The following ZC3H12B variants were observed in gnomAD, a reference collection of about 807,000 sequenced individuals.
ZC3H12B encodes zinc finger CCCH-type containing 12B, also known as probable ribonuclease ZC3H12B.
ZC3H12B carries 7 observed loss-of-function variants against 43.9 expected under a neutral mutation model. That is an observed-to-expected ratio of 0.16 (90% CI 0.09 to 0.30). The LOEUF (loss-of-function observed/expected upper bound fraction) is 0.30, where lower values mean the gene tolerates loss of function less well. Ranked by LOEUF, ZC3H12B falls within the 10% of genes least tolerant of loss-of-function variation. ZC3H12B has a pLI of 1.00. For synonymous variants in ZC3H12B, 222 were observed against 241.7 expected, an observed-to-expected ratio of 0.92 and a Z score of 0.76; for missense variants, 475 against 670.2, an observed-to-expected ratio of 0.71 and a Z score of 3.22.
chrX:65,221,820 A>AG, the ZC3H12B span, among the ~76,000 whole-genome samples: 2 of 111,730 alleles, frequency 1.8e-5, no homozygotes, highest in African/African-American at 3.2e-5. Context: ...TATAAAAAAA[A>AG]GGAAATCCTT....
the ZC3H12B span, among the ~76,000 whole-genome samples, chrX:65,081,802 C>T: frequency 1.8e-5 from 2 of 111,830 alleles, no homozygotes; most frequent in African/African-American, 6.5e-5. Flanking sequence ...ATTTATAGAG[C>T]ATGTCATCCA....
chrX:65,157,878 C>T, the ZC3H12B span, among the ~76,000 whole-genome samples: 1 of 102,063 alleles, frequency 9.8e-6, no homozygotes, highest in African/African-American at 3.5e-5. Context: ...CCCATTAACT[C>T]GTCATTTAGC....
chrX:65,304,949 C>A, the ZC3H12B span, among the ~76,000 whole-genome samples: 2 of 111,230 alleles, frequency 1.8e-5, no homozygotes, highest in African/African-American at 3.3e-5. Context: ...ATATTTTAAT[C>A]TCAATAAGAA....
chrX:65,174,928 C>CA, the ZC3H12B span, among the ~76,000 whole-genome samples: 41 of 106,304 alleles, frequency 3.9e-4, no homozygotes, highest in Non-Finnish European at 7.4e-4. Flanking sequence ...GAAAAAAAAA[C>CA]AAAAAACAAA....
rs766514879 is a variant in ZC3H12B, at chrX:65,384,082, C to T, written n.296-14511C>T. ...GACACATGCACACGTATGTTTATTG[C>T]GGCATGATTCACAATAGCAAAGACT... On this transcript the variant is annotated intron_variant and non_coding_transcript_variant, in intron 2 of 5. Coordinates refer to the ZC3H12B transcript ENST00000617377. Among the ~76,000 whole-genome samples the T allele has an allele frequency of 1.3e-4, 13 of 101,211 alleles. No individual in the cohort carries two copies. In the East Asian group the frequency reaches 1.8e-3, roughly 14 times the overall value. 87.9% of individuals were successfully genotyped at this position (101,211 alleles called of 115,157 possible).
the ZC3H12B span, among the ~76,000 whole-genome samples, chrX:65,247,564 A>G: frequency 8.0e-5 from 9 of 112,982 alleles, no homozygotes; most frequent in African/African-American, 1.6e-4. Flanking sequence ...GCTGTAAAAA[A>G]GAATGAGATA....
At chrX:65,462,348 T>TA (rs1279905398) in intron 3 of ZC3H12B, among the ~76,000 whole-genome samples, 1 of 110,155 alleles carries the variant, frequency 9.1e-6, no homozygotes, top group Non-Finnish European at 1.9e-5. Flanking sequence ...CCATCTCTAC[T>TA]AAAAAATACA....
At chrX:65,328,098 G>A in the ZC3H12B span, 4 of 254,140 alleles carry the variant, frequency 1.6e-5, no homozygotes, top group African/African-American at 8.6e-5. Flanking sequence ...AGATAATTCA[G>A]TAATAAAGCA....
the ZC3H12B span, among the ~76,000 whole-genome samples, chrX:65,227,173 A>G: frequency 1.8e-5 from 2 of 112,009 alleles, no homozygotes; most frequent in African/African-American, 6.5e-5. Flanking sequence ...AGAAATTATA[A>G]CAAAGTGTCT....
At chrX:65,394,052 GT>G (rs946421720) in intron 2 of ZC3H12B, among the ~76,000 whole-genome samples, 1 of 111,620 alleles carries the variant, frequency 9.0e-6, no homozygotes, top group Non-Finnish European at 1.9e-5. Context: ...AGATTGTTTG[GT>G]TTTTTTCTTG....
chrX:65,194,855 G>A, the ZC3H12B span, among the ~76,000 whole-genome samples: 1 of 111,655 alleles, frequency 9.0e-6, no homozygotes, highest in Non-Finnish European at 1.9e-5. Flanking sequence ...CTCCAGTGTT[G>A]GATGCATATA....
the ZC3H12B span, among the ~76,000 whole-genome samples, chrX:65,175,935 CT>C: frequency 8.9e-6 from 1 of 112,121 alleles, no homozygotes; most frequent in Non-Finnish European, 1.9e-5. Flanking sequence ...CACTGGGGCC[CT>C]GGGTTTCAAG....
intron 3 of ZC3H12B, among the ~76,000 whole-genome samples, chrX:65,411,341 G>A (rs1278080536): frequency 1.8e-5 from 2 of 112,186 alleles, no homozygotes; most frequent in African/African-American, 6.5e-5. Flanking sequence ...TGAAAATATA[G>A]TTAGAAAGAA....
the ZC3H12B span, among the ~76,000 whole-genome samples, chrX:65,195,746 G>A: frequency 8.9e-6 from 1 of 111,965 alleles, no homozygotes; most frequent in Admixed American, 9.5e-5. Context: ...AGGAATGTGG[G>A]AAGTCTACCT....
the ZC3H12B span, among the ~76,000 whole-genome samples, chrX:65,156,077 G>GA: frequency 8.2e-4 from 90 of 109,271 alleles, no homozygotes; most frequent in East Asian, 6.6e-3. Context: ...GGTCTTTATA[G>GA]AAAAAAAAAT....
chrX:65,059,738 TTGA>T, the ZC3H12B span, among the ~76,000 whole-genome samples: 2 of 112,130 alleles, frequency 1.8e-5, no homozygotes, highest in African/African-American at 6.5e-5. Flanking sequence ...AACATTAGGA[TTGA>T]TTTTTCTATT....
the ZC3H12B span, among the ~76,000 whole-genome samples, chrX:65,041,261 C>G: frequency 9.0e-6 from 1 of 111,634 alleles, no homozygotes; most frequent in South Asian, 3.8e-4. Flanking sequence ...TAATTCAGGC[C>G]CCACTAACCA....
intron 2 of ZC3H12B, among the ~76,000 whole-genome samples, chrX:65,380,108 G>A (rs1170825176): frequency 5.4e-5 from 6 of 111,240 alleles, no homozygotes; most frequent in East Asian, 2.8e-4. Flanking sequence ...TACAAAGAAC[G>A]CCACAAAGAT....
the ZC3H12B span, among the ~76,000 whole-genome samples, chrX:65,224,826 G>A: frequency 8.9e-6 from 1 of 112,067 alleles, no homozygotes; most frequent in South Asian, 3.7e-4. Context: ...TGGGGGAAGG[G>A]TGCCCGCCAT....
Sources: gnomAD v4.1 joint callset for allele counts (sites outside exome capture counted in the v4.1 genomes callset) on GRCh38, gnomAD v4.1.1 for gene constraint, MANE v1.5 for transcripts, NCBI Gene and HGNC (gene_info 2026-07-23, HGNC 2026-07-21) for gene names.